NCAM2: variants seen among roughly 807,000 people sequenced by gnomAD.
The protein encoded by NCAM2 is neural cell adhesion molecule 2, also known as N-CAM-2.
Under a neutral mutation model 98.1 loss-of-function variants are expected in NCAM2, and 30 were observed. The observed-to-expected ratio is 0.31, with a 90% CI of 0.23 to 0.41. NCAM2 has a LOEUF of 0.41. Among genes scored for constraint, NCAM2 ranks in the 10% least tolerant of loss-of-function variants. The pLI, the probability that NCAM2 is intolerant of heterozygous loss-of-function variation, is 1.00. For synonymous variants in NCAM2, 368 were observed against 342.4 expected (o/e 1.07, Z -0.83); for missense variants, 867 against 1,005.8 (o/e 0.86, Z 1.87).
At chr21:21,255,557 G>T (rs548079778) in intron 1 of NCAM2, among the ~76,000 whole-genome samples, 1 of 152,318 alleles carries the variant, frequency 6.6e-6, no homozygotes, top group South Asian at 2.1e-4. Context: ...CTTTCAAACT[G>T]TTCTGAAGAA....
chr21:21,179,488 C>G (rs2068400453), intron 1 of NCAM2, among the ~76,000 whole-genome samples: 1 of 152,098 alleles, frequency 6.6e-6, no homozygotes, highest in South Asian at 2.1e-4. Flanking sequence ...ATCAGAAATT[C>G]CAGTCAATTC....
rs145944970 is a variant in NCAM2 at position 21,078,966 on chromosome 21, A to G, written c.55+80348A>G. On this transcript the variant is annotated intron_variant, in intron 1 of 17. Transcript: ENST00000400546. ...AACCAAACACTGCATGTTCTCACTC[A>G]TAAGTGGGAGTTGAACAGTGAGACC... Among the ~76,000 whole-genome samples, 789 of 152,310 alleles carry G rather than the reference A, an allele frequency of 5.2e-3. 10 individuals are homozygous for G. Among genetic ancestry groups the G allele is most frequent in the African/African-American group, 0.018 (743 of 41,570 alleles).
At chr21:21,227,435 G>A (rs566008709) in intron 1 of NCAM2, among the ~76,000 whole-genome samples, 6 of 151,670 alleles carry the variant, frequency 4.0e-5, no homozygotes, top group Non-Finnish European at 7.4e-5. Context: ...TACAGAAAAC[G>A]TAGTCAAAAC....
intron 1 of NCAM2, among the ~76,000 whole-genome samples, chr21:21,178,322 A>T (rs1158575142): frequency 6.6e-6 from 1 of 152,164 alleles, no homozygotes; most frequent in Non-Finnish European, 1.5e-5. Flanking sequence ...AATTTGAGAC[A>T]GAGCAATGAC....
intron 11 of NCAM2, among the ~76,000 whole-genome samples, chr21:21,418,987 T>C (rs916866510): frequency 6.6e-6 from 1 of 152,182 alleles, no homozygotes; most frequent in Admixed American, 6.5e-5. Context: ...ACATGTTCCC[T>C]GTAAATATGT....
At chr21:21,204,399 A>G (rs2069355816) in intron 1 of NCAM2, among the ~76,000 whole-genome samples, 1 of 152,174 alleles carries the variant, frequency 6.6e-6, no homozygotes, top group African/African-American at 2.4e-5. Context: ...CTTGATACAG[A>G]ACACACTATT....
intron 1 of NCAM2, among the ~76,000 whole-genome samples, chr21:21,276,541 C>T (rs1049736139): frequency 6.6e-6 from 1 of 151,944 alleles, no homozygotes; most frequent in East Asian, 1.9e-4. Context: ...CAATTTTCTC[C>T]AAACATAAAT....
intron 1 of NCAM2, among the ~76,000 whole-genome samples, chr21:21,264,687 A>G (rs2072062821): frequency 1.3e-5 from 2 of 149,480 alleles, no homozygotes; most frequent in African/African-American, 4.9e-5. Context: ...ACATATATAC[A>G]CACACATACA....
Position 21,137,779 on chromosome 21 carries a change from G to C in NCAM2, c.55+139161G>C, listed in dbSNP as rs59582408. 9.7e-3 allele frequency among the ~76,000 whole-genome samples: 1,483 copies of C among 152,206 alleles called. 28 individuals are homozygous for C. Among genetic ancestry groups the C allele is most frequent in the African/African-American group, 0.034 (1,420 of 41,526 alleles). On this transcript the variant is annotated intron_variant, in intron 1 of 17. Coordinates refer to ENST00000400546, the MANE Select transcript of NCAM2 (RefSeq NM_004540.5). ...ATTAAAAAAAATGTTGAAAGTGTAA[G>C]AGTGATTTTTTTTTAGTTGCTTCCA...
rs1984039393 is a variant in NCAM2 at position 21,468,663 on chromosome 21, T to G, written c.1776T>G (p.Arg592=). The G allele has an allele frequency of 4.3e-6, 7 of 1,609,900 alleles. No homozygotes were observed. In the Admixed American group the frequency reaches 1.2e-4, roughly 27 times the overall value. Residue 592 remains arginine (R), a splice_region_variant and synonymous_variant, in exon 14 of 18, where the codon CGT becomes CGG. Coordinates refer to ENST00000400546, the MANE Select transcript of NCAM2 (RefSeq NM_004540.5). ...AGAAATGTTGTATTGTATATCTAGG[T>G]GAACCAAGTCCTCCATCCATACATG... ...KIEIFQTLPV[R]EPSPPSIHGQ...
intron 1 of NCAM2, among the ~76,000 whole-genome samples, chr21:21,212,190 TG>T: frequency 6.6e-6 from 1 of 152,244 alleles, no homozygotes; most frequent in East Asian, 1.9e-4. Context: ...TTAAATAAAT[TG>T]TACAAAATAC....
intron 1 of NCAM2, among the ~76,000 whole-genome samples, chr21:21,009,640 G>A (rs540447976): frequency 6.6e-6 from 1 of 152,044 alleles, no homozygotes; most frequent in East Asian, 1.9e-4. Flanking sequence ...AATAGTAAAT[G>A]TCTGCTGTGT....
chr21:21,035,837 T>G (rs1053783564), intron 1 of NCAM2, among the ~76,000 whole-genome samples: 3 of 152,170 alleles, frequency 2.0e-5, no homozygotes, highest in Non-Finnish European at 2.9e-5. Context: ...GCAGTTTACC[T>G]TGGACAAGAC....
At chr21:21,440,704 A>T (rs554320383) in intron 12 of NCAM2, among the ~76,000 whole-genome samples, 1 of 137,616 alleles carries the variant, frequency 7.3e-6, no homozygotes, top group African/African-American at 2.6e-5. Flanking sequence ...AAAAGAAAAG[A>T]AAAGAAAAGA....
At chr21:21,143,637 T>A (rs771453574) in intron 1 of NCAM2, among the ~76,000 whole-genome samples, 1 of 152,154 alleles carries the variant, frequency 6.6e-6, no homozygotes, top group Non-Finnish European at 1.5e-5. Flanking sequence ...TTTTTAATAT[T>A]GTATCTTTTT....
At chr21:21,512,944 A>G (rs1288213808) in intron 16 of NCAM2, among the ~76,000 whole-genome samples, 1 of 152,040 alleles carries the variant, frequency 6.6e-6, no homozygotes, top group Non-Finnish European at 1.5e-5. Context: ...TTATCCTGAA[A>G]CATTACTGAA....
chr21:21,405,405 T>C (rs1400620009), intron 9 of NCAM2, among the ~76,000 whole-genome samples: 2 of 152,120 alleles, frequency 1.3e-5, no homozygotes, highest in East Asian at 1.9e-4. Flanking sequence ...AATGTCCTAA[T>C]TGAAAGTTGA....
At position 21,463,028 on chromosome 21, in the gene NCAM2, C is replaced by T. The variant is rs187120804; in HGVS notation, c.1655-3578C>T. 1.8e-4 allele frequency among the ~76,000 whole-genome samples: 28 copies of T among 152,148 alleles called. No individual in the cohort carries two copies. The East Asian group carries it at 4.8e-3, about 26-fold the overall frequency. ...CACTTCAGTTTAAGGTTCTGTTGTT[C>T]TGTTTGTATATGCAGATTTAGGGAA... On this transcript the variant is annotated intron_variant, in intron 12 of 17. Coordinates refer to ENST00000400546, the MANE Select transcript of NCAM2 (RefSeq NM_004540.5).
intron 12 of NCAM2, among the ~76,000 whole-genome samples, chr21:21,455,020 G>T (rs1981918378): frequency 6.6e-6 from 1 of 151,632 alleles, no homozygotes; most frequent in African/African-American, 2.4e-5. Flanking sequence ...ATAGCAATTA[G>T]GATTACTAAT....
Sources: allele counts gnomAD v4.1 joint callset (sites outside exome capture counted in the v4.1 genomes callset), GRCh38; gene constraint gnomAD v4.1.1; transcripts MANE v1.5; gene names NCBI Gene and HGNC (gene_info 2026-07-23, HGNC 2026-07-21).